The following PLCG2 variants were observed in gnomAD, a reference collection of about 807,000 sequenced individuals.
PLCG2 encodes the protein phospholipase C gamma 2, also known as 1-phosphatidylinositol 4,5-bisphosphate phosphodiesterase gamma-2.
In PLCG2, 69 loss-of-function variants were observed where a neutral mutation model predicts 175.6. That is an observed-to-expected ratio of 0.39 (90% CI 0.32 to 0.48). PLCG2 has a LOEUF of 0.48. Among genes scored for constraint, PLCG2 ranks in the 20% least tolerant of loss-of-function variants. The probability of loss-of-function intolerance (pLI) is 0.91; values close to 1 mark genes in which losing one functional copy is unlikely to be tolerated. For synonymous variants in PLCG2, 827 were observed against 624.0 expected, an observed-to-expected ratio of 1.33 and a Z score of -4.85; for missense variants, 1,798 against 1,650.9, an observed-to-expected ratio of 1.09 and a Z score of -1.54.
Position 81,952,482 on chromosome 16 carries a change from A to G in PLCG2, c.3571-4213A>G, listed in dbSNP as rs773636442. Among the ~76,000 whole-genome samples the G allele has an allele frequency of 3.2e-4, 49 of 152,196 alleles. 2 individuals carry two copies. The highest frequency in any genetic ancestry group is 1.3e-4 in the Non-Finnish European group (9 of 68,046). ...TTTCCAGACATGGGATAAATAAAAT[A>G]TAAAAAGGACCTGGAGCATCTTAAC... On this transcript the variant is annotated intron_variant, in intron 31 of 32. Transcript: ENST00000564138.
upstream of PLCG2, chr16:81,779,225 G>GGGCGA (rs1362744405): frequency 6.6e-6 from 1 of 151,570 alleles, no homozygotes; most frequent in Non-Finnish European, 1.5e-5. Flanking sequence ...GGGCGAGGCG[G>GGGCGA]GGCGAGGCTG....
At position 81,959,867 on chromosome 16, in the gene PLCG2, T is replaced by C. The variant is rs17793218; in HGVS notation, c.*1869T>C. 0.03 allele frequency: 5,663 copies of C among 187,466 alleles called. 104 individuals carry two copies. Among genetic ancestry groups the C allele is most frequent in the South Asian group, 0.052 (266 of 5,124 alleles). 11.6% of individuals were successfully genotyped at this position (187,466 alleles called of 1,614,324 possible). ...AGCAGAGCTCAGGTGTTGCTGTCATTACCTCCTTTCAGCTCCTCACTTCAT... is the reference window on the plus strand; with the variant it reads ...AGCAGAGCTCAGGTGTTGCTGTCATCACCTCCTTTCAGCTCCTCACTTCAT... On this transcript the variant is annotated 3_prime_UTR_variant, in exon 33 of 33. Coordinates refer to ENST00000564138, the MANE Select transcript of PLCG2 (RefSeq NM_002661.5).
chr16:81,785,972 T>C lies in PLCG2; in HGVS notation c.-18T>C, dbSNP rs1328523105. The stretch of plus-strand genomic sequence containing the variant: ...CTGATTTCTCCCGATTCCTTCCTTC[T>C]CCCTGGAGCGGCCGACAATGTCCAC... On this transcript the variant is annotated 5_prime_UTR_variant, in exon 2 of 33. Transcript: ENST00000564138. The C allele has an allele frequency of 2.5e-6, 4 of 1,607,288 alleles. No individual in the cohort carries two copies. Among genetic ancestry groups the C allele is most frequent in the Non-Finnish European group, 3.4e-6 (4 of 1,175,422 alleles).
At chr16:81,811,552 G>A (rs7404636) in intron 2 of PLCG2, among the ~76,000 whole-genome samples, 146,433 of 152,092 alleles carry the variant, frequency 0.96, 70,524 homozygotes, top group East Asian at 1. Context: ...CCAGTGTGTG[G>A]TGTTCCCCTC....
intron 26 of PLCG2, 186 bp from the exon 27 acceptor site, chr16:81,935,983 G>C (rs1164975605): frequency 1.0e-6 from 1 of 985,012 alleles, no homozygotes; most frequent in East Asian, 1.1e-4. Context: ...TTAATACTTG[G>C]AACCCCCAGA....
intron 9 of PLCG2, among the ~76,000 whole-genome samples, chr16:81,888,822 A>G (rs948494127): frequency 1.3e-5 from 2 of 152,202 alleles, no homozygotes; most frequent in African/African-American, 4.8e-5. Context: ...AATATAGCTG[A>G]CCACTTGTTT....
At chr16:81,805,366 T>G (rs12598645) in intron 2 of PLCG2, among the ~76,000 whole-genome samples, 142,351 of 151,694 alleles carry the variant, frequency 0.94, 67,390 homozygotes, top group East Asian at 1. Context: ...GGGTGTGGTG[T>G]CGGGTGCCTA....
At chr16:81,860,710 C>A (rs944372379) in intron 5 of PLCG2, among the ~76,000 whole-genome samples, 1 of 152,152 alleles carries the variant, frequency 6.6e-6, no homozygotes, top group East Asian at 1.9e-4. Flanking sequence ...GTGGTGTACA[C>A]CTATATTCCC....
At chr16:81,765,330 G>A (rs1174341013) in intron 2 of PLCG2, among the ~76,000 whole-genome samples, 2 of 152,214 alleles carry the variant, frequency 1.3e-5, no homozygotes, top group Admixed American at 6.5e-5. Flanking sequence ...CAGAGCCTCC[G>A]GAAGAAAGCA....
At chr16:81,889,562 G>A (rs117238340) in intron 10 of PLCG2, among the ~76,000 whole-genome samples, 1 of 152,134 alleles carries the variant, frequency 6.6e-6, no homozygotes, top group East Asian at 1.9e-4. Context: ...CTCACTTAGA[G>A]CCAGCTGAAT....
At chr16:81,949,018 C>T (rs896794799) in intron 31 of PLCG2, among the ~76,000 whole-genome samples, 2 of 152,056 alleles carry the variant, frequency 1.3e-5, no homozygotes, top group Admixed American at 1.3e-4. Flanking sequence ...AGAGAATAGA[C>T]CTGATTTGTT....
chr16:81,769,256 C>G (rs1021204063), intron 2 of PLCG2, among the ~76,000 whole-genome samples: 2 of 152,230 alleles, frequency 1.3e-5, no homozygotes, highest in East Asian at 1.9e-4. Flanking sequence ...CTTCCTGTAT[C>G]TGCCCAAAGT....
chr16:81,868,051 T>A (rs1907332894), intron 5 of PLCG2, among the ~76,000 whole-genome samples: 1 of 152,182 alleles, frequency 6.6e-6, no homozygotes, highest in Admixed American at 6.5e-5. Flanking sequence ...GAAGAAACAC[T>A]CATGCAGATT....
chr16:81,767,094 G>A (rs1208698955), intron 2 of PLCG2: 2 of 149,624 alleles, frequency 1.3e-5, no homozygotes, highest in African/African-American at 4.9e-5. Context: ...CCATTGCCTG[G>A]ATTCCTGCTC....
intron 1 of PLCG2, among the ~76,000 whole-genome samples, chr16:81,780,957 G>A (rs997471536): frequency 6.6e-6 from 1 of 152,152 alleles, no homozygotes; most frequent in Non-Finnish European, 1.5e-5. Context: ...AACCCAGGAG[G>A]TGGAGGTTGC....
chr16:81,768,385 T>G (rs182927796), intron 2 of PLCG2, among the ~76,000 whole-genome samples: 39 of 152,190 alleles, frequency 2.6e-4, no homozygotes, highest in Non-Finnish European at 4.4e-5. Context: ...TCTGTGGACA[T>G]ATGTTTTCAT....
At chr16:81,940,756 C>G (rs949102092) in intron 30 of PLCG2, among the ~76,000 whole-genome samples, 1 of 152,136 alleles carries the variant, frequency 6.6e-6, no homozygotes, top group Non-Finnish European at 1.5e-5. Flanking sequence ...GACCCTGCTG[C>G]TTCTAGAGCC....
intron 22 of PLCG2, among the ~76,000 whole-genome samples, chr16:81,924,525 T>G (rs1910182038): frequency 6.6e-6 from 1 of 152,240 alleles, no homozygotes; most frequent in Non-Finnish European, 1.5e-5. Context: ...CAGTCACTTG[T>G]CCAGGGCCAC....
chr16:81,819,642 T>C (rs758899084), intron 2 of PLCG2, among the ~76,000 whole-genome samples: 3 of 152,240 alleles, frequency 2.0e-5, no homozygotes, highest in Non-Finnish European at 2.9e-5. Context: ...TGTAGTGCGG[T>C]GGCGCTATCT....
Sources: allele counts gnomAD v4.1 joint callset (sites outside exome capture counted in the v4.1 genomes callset), GRCh38; gene constraint gnomAD v4.1.1; transcripts MANE v1.5; gene names NCBI Gene and HGNC (gene_info 2026-07-23, HGNC 2026-07-21).